FOXN3: variants seen among roughly 807,000 people sequenced by gnomAD.
FOXN3 encodes the protein forkhead box N3, also known as forkhead box protein N3.
In FOXN3, 7 loss-of-function variants were observed where a neutral mutation model predicts 38.4. The observed-to-expected ratio is 0.18, with a 90% CI of 0.10 to 0.34. The LOEUF (loss-of-function observed/expected upper bound fraction) is 0.34. FOXN3 is among the 10% of genes least tolerant of loss of function. The pLI, the probability that FOXN3 is intolerant of heterozygous loss-of-function variation, is 1.00. For synonymous variants in FOXN3, 230 were observed against 242.2 expected, an observed-to-expected ratio of 0.95 and a Z score of 0.47; for missense variants, 456 against 613.4, an observed-to-expected ratio of 0.74 and a Z score of 2.71.
intron 2 of FOXN3, among the ~76,000 whole-genome samples, chr14:89,366,335 T>C (rs1890151097): frequency 6.6e-6 from 1 of 152,142 alleles, no homozygotes; most frequent in South Asian, 2.1e-4. Context: ...GAAACAGGAA[T>C]GTACAATGAT....
chr14:89,501,854 A>G (rs1385306882), intron 1 of FOXN3, among the ~76,000 whole-genome samples: 1 of 151,694 alleles, frequency 6.6e-6, no homozygotes, highest in African/African-American at 2.4e-5. Flanking sequence ...ATCTCAAAAA[A>G]ACAAACAAAC....
intron 1 of FOXN3, among the ~76,000 whole-genome samples, chr14:89,508,127 C>T (rs555031926): frequency 1.3e-5 from 2 of 152,274 alleles, no homozygotes; most frequent in African/African-American, 4.8e-5. Flanking sequence ...AACATCTGTG[C>T]TTGTCATGAA....
chr14:89,332,591 GA>G (rs1281805515), intron 3 of FOXN3, among the ~76,000 whole-genome samples: 1 of 152,156 alleles, frequency 6.6e-6, no homozygotes, highest in Non-Finnish European at 1.5e-5. Context: ...GTTAAGACTT[GA>G]AACTGTTAAA....
chr14:89,469,391 G>C (rs1596286968), intron 1 of FOXN3, among the ~76,000 whole-genome samples: 1 of 152,348 alleles, frequency 6.6e-6, no homozygotes, highest in Admixed American at 6.5e-5. Context: ...CCAGGAAGCA[G>C]GGTTGAGGGG....
At chr14:89,236,539 G>T (rs4904520) in intron 4 of FOXN3, among the ~76,000 whole-genome samples, 1 of 151,908 alleles carries the variant, frequency 6.6e-6, no homozygotes, top group Non-Finnish European at 1.5e-5. Context: ...AAAGTAGCAC[G>T]CAGCCAGCAC....
intron 3 of FOXN3, among the ~76,000 whole-genome samples, chr14:89,292,296 G>C (rs1342444222): frequency 6.6e-6 from 1 of 152,042 alleles, no homozygotes; most frequent in Non-Finnish European, 1.5e-5. Flanking sequence ...TGGTGTCCAA[G>C]TCCTCCTTTT....
At chr14:89,511,189 CT>C (rs749795010) in intron 1 of FOXN3, among the ~76,000 whole-genome samples, 2,286 of 14,086 alleles carry the variant, frequency 0.16, 352 homozygotes, top group Non-Finnish European at 0.26. Context: ...TTCTTTCTTT[CT>C]TTTCTTTCTT....
intron 3 of FOXN3, among the ~76,000 whole-genome samples, chr14:89,318,174 T>TTC (rs1887785371): frequency 6.6e-6 from 1 of 150,422 alleles, no homozygotes; most frequent in Non-Finnish European, 1.5e-5. Flanking sequence ...TTTTTTTTTT[T>TTC]TGAGGCGGAG....
At position 89,511,225 on chromosome 14, in the gene FOXN3, TTC is replaced by T. The variant is rs1894071927; in HGVS notation, c.-14-98737_-14-98736del. On this transcript the variant is annotated intron_variant, in intron 1 of 6. Transcript: ENST00000345097. ...TTCTTTTCTTTCTTTCTTTCTTTCT[TTC>T]TTTTCTTTCCTTTTCTTTCTTTTCT... Among the ~76,000 whole-genome samples, 8 of 26,646 alleles carry T rather than the reference TTC, an allele frequency of 3.0e-4. 1 individual carries two copies. The highest frequency in any genetic ancestry group is 4.9e-4 in the African/African-American group (8 of 16,448). The allele number at this position is 26,646 out of a possible 152,430, so 17.5% of individuals were successfully genotyped here.
intron 1 of FOXN3, among the ~76,000 whole-genome samples, chr14:89,546,329 C>CTTTCTTTTT (rs1555359724): frequency 5.1e-5 from 4 of 78,314 alleles, no homozygotes; most frequent in Admixed American, 1.9e-4. Context: ...TTTCCTTTTT[C>CTTTCTTTTT]TTTTTTTTTT....
intron 2 of FOXN3, among the ~76,000 whole-genome samples, chr14:89,377,015 T>A (rs542035905): frequency 3.8e-3 from 113 of 30,052 alleles, no homozygotes; most frequent in African/African-American, 0.012. Flanking sequence ...ATCAAGACTC[T>A]GTCTCAAAAA....
In FOXN3 at chr14:89,222,107, C is replaced by T. The variant is rs541091906; in HGVS notation, c.746-41301G>A. On this transcript the variant is annotated intron_variant, in intron 4 of 5. Coordinates refer to ENST00000557258, the MANE Select transcript of FOXN3 (RefSeq NM_005197.4). The stretch of plus-strand genomic sequence containing the variant: ...CTGGGATTACAGGCGTGAGCCACCG[C>T]GCCCGGCCTACACAATCTTTTCTTG... 2.0e-3 allele frequency among the ~76,000 whole-genome samples: 299 copies of T among 152,310 alleles called. 2 individuals carry two copies. The highest frequency in any genetic ancestry group is 3.5e-3 in the Non-Finnish European group (236 of 68,030).
At chr14:89,472,367 C>T (rs1024044477) in intron 1 of FOXN3, among the ~76,000 whole-genome samples, 1 of 152,122 alleles carries the variant, frequency 6.6e-6, no homozygotes, top group Non-Finnish European at 1.5e-5. Context: ...ACAACTCAGC[C>T]GCCCAGAAGT....
At chr14:89,512,924 A>C (rs1447100836) in intron 1 of FOXN3, among the ~76,000 whole-genome samples, 2 of 152,010 alleles carry the variant, frequency 1.3e-5, no homozygotes, top group Non-Finnish European at 2.9e-5. Context: ...GTGGATCACG[A>C]GGTCAGGAGT....
At chr14:89,476,660 T>C (rs923430327) in intron 1 of FOXN3, among the ~76,000 whole-genome samples, 46 of 152,202 alleles carry the variant, frequency 3.0e-4, no homozygotes, top group African/African-American at 1.1e-3. Flanking sequence ...TCCACAGCGA[T>C]TAAGAGTCAC....
intron 1 of FOXN3, among the ~76,000 whole-genome samples, chr14:89,451,286 G>T (rs1892608270): frequency 6.6e-6 from 1 of 152,112 alleles, no homozygotes; most frequent in African/African-American, 2.4e-5. Flanking sequence ...CAGCCTTGGG[G>T]GACATCCAAT....
At chr14:89,345,064 G>A (rs180823042) in intron 3 of FOXN3, among the ~76,000 whole-genome samples, 10 of 150,904 alleles carry the variant, frequency 6.6e-5, no homozygotes, top group Admixed American at 1.3e-4. Flanking sequence ...GGCGTGGCTC[G>A]GTGTGCATGA....
chr14:89,325,364 C>CCAT, intron 3 of FOXN3, among the ~76,000 whole-genome samples: 3 of 147,996 alleles, frequency 2.0e-5, no homozygotes, highest in African/African-American at 7.4e-5. Flanking sequence ...ACCACCACTA[C>CCAT]CACCACCGCC....
intron 2 of FOXN3, chr14:89,354,956 G>A (rs1889147156): frequency 6.6e-6 from 1 of 151,966 alleles, no homozygotes; most frequent in African/African-American, 2.4e-5. Flanking sequence ...TTATAGGAAA[G>A]TATGCGTGTG....
Sources: allele counts gnomAD v4.1 joint callset (sites outside exome capture counted in the v4.1 genomes callset), GRCh38; gene constraint gnomAD v4.1.1; transcripts MANE v1.5; gene names NCBI Gene and HGNC (gene_info 2026-07-23, HGNC 2026-07-21).